ZBTB7C: variants seen among roughly 807,000 people sequenced by gnomAD.
ZBTB7C encodes the protein zinc finger and BTB domain containing 7C.
A neutral mutation model predicts 25.7 loss-of-function variants in ZBTB7C; 8 were observed. That is an observed-to-expected ratio of 0.31 (90% CI 0.18 to 0.56). The LOEUF is 0.56. Among genes scored for constraint, ZBTB7C ranks in the 20% least tolerant of loss-of-function variants. ZBTB7C has a pLI of 0.91. For synonymous variants in ZBTB7C, 394 were observed against 369.0 expected (o/e 1.07, Z -0.78); for missense variants, 824 against 855.2 (o/e 0.96, Z 0.46).
At chr18:48,037,907 G>A (rs953357091) in intron 4 of ZBTB7C, among the ~76,000 whole-genome samples, 3 of 152,200 alleles carry the variant, frequency 2.0e-5, no homozygotes, top group African/African-American at 7.2e-5. Flanking sequence ...TGGGACTCTC[G>A]GGCTGAAGCC....
At chr18:48,048,276 T>C (rs2036551959) in intron 3 of ZBTB7C, among the ~76,000 whole-genome samples, 1 of 152,142 alleles carries the variant, frequency 6.6e-6, no homozygotes, top group African/African-American at 2.4e-5. Flanking sequence ...AAGCATTTTG[T>C]TGGGCAGAGG....
chr18:48,360,328 A>G (rs1006866332), intron 1 of ZBTB7C, among the ~76,000 whole-genome samples: 1 of 152,248 alleles, frequency 6.6e-6, no homozygotes, highest in Non-Finnish European at 1.5e-5. Context: ...TGCAGAGTCA[A>G]CAGTTGAGCT....
chr18:48,287,549 G>A (rs2045093681), intron 2 of ZBTB7C, among the ~76,000 whole-genome samples: 1 of 152,068 alleles, frequency 6.6e-6, no homozygotes, highest in Non-Finnish European at 1.5e-5. Context: ...AAAAATGAAA[G>A]ACTACTTTGT....
intron 3 of ZBTB7C, among the ~76,000 whole-genome samples, chr18:48,081,356 A>G (rs1479017516): frequency 6.6e-6 from 1 of 152,200 alleles, no homozygotes; most frequent in Non-Finnish European, 1.5e-5. Context: ...GGACCAACAG[A>G]CAAGTCTGAT....
At chr18:48,117,330 G>A (rs551976027) in intron 3 of ZBTB7C, among the ~76,000 whole-genome samples, 6 of 152,294 alleles carry the variant, frequency 3.9e-5, no homozygotes, top group East Asian at 3.9e-4. Flanking sequence ...ATGGAGAGGC[G>A]TGAATAAATG....
At chr18:48,251,422 G>A (rs1360997548) in intron 2 of ZBTB7C, among the ~76,000 whole-genome samples, 1 of 152,276 alleles carries the variant, frequency 6.6e-6, no homozygotes, top group Middle Eastern at 3.4e-3. Context: ...CAGATAGTGA[G>A]GGTAAAAGAG....
chr18:48,136,980 G>A (rs945934766), intron 3 of ZBTB7C: 4 of 984,706 alleles, frequency 4.1e-6, no homozygotes, highest in Admixed American at 1.2e-4. Flanking sequence ...CTAGCCCAGA[G>A]GCGGGCCGAG....
chr18:48,167,587 TGTGTGTGTGTGC>T (rs909888795), intron 3 of ZBTB7C, among the ~76,000 whole-genome samples: 25 of 151,432 alleles, frequency 1.7e-4, no homozygotes, highest in African/African-American at 6.1e-4. Context: ...TGTGTGTGTG[TGTGTGTGTGTGC>T]GCGCGTGCAC....
intron 2 of ZBTB7C, among the ~76,000 whole-genome samples, chr18:48,296,822 A>G (rs2144719360): frequency 6.6e-6 from 1 of 152,094 alleles, no homozygotes; most frequent in East Asian, 1.9e-4. Context: ...TCAGATCAGC[A>G]GAGCCATGAG....
At chr18:48,097,005 C>T (rs1291058660) in intron 3 of ZBTB7C, among the ~76,000 whole-genome samples, 4 of 152,212 alleles carry the variant, frequency 2.6e-5, no homozygotes, top group Admixed American at 2.0e-4. Flanking sequence ...AAGGTATGGT[C>T]GCAGATACAT....
At chr18:48,347,254 C>T (rs1031800101) in intron 1 of ZBTB7C, among the ~76,000 whole-genome samples, 1 of 132,184 alleles carries the variant, frequency 7.6e-6, no homozygotes, top group South Asian at 2.2e-4. Context: ...TACAGGCACG[C>T]ACCACCATGC....
intron 2 of ZBTB7C, among the ~76,000 whole-genome samples, chr18:48,299,523 T>C (rs2045490947): frequency 6.6e-6 from 1 of 152,216 alleles, no homozygotes; most frequent in African/African-American, 2.4e-5. Flanking sequence ...CAGTTGGATC[T>C]TCTCATAACT....
At chr18:48,102,284 C>T (rs1033043966) in intron 3 of ZBTB7C, among the ~76,000 whole-genome samples, 3 of 152,156 alleles carry the variant, frequency 2.0e-5, no homozygotes, top group Non-Finnish European at 4.4e-5. Flanking sequence ...AACCTAACGG[C>T]AGGGTGCAGT....
At chr18:48,327,673 G>A (rs563248815) in intron 2 of ZBTB7C, among the ~76,000 whole-genome samples, 1 of 152,250 alleles carries the variant, frequency 6.6e-6, no homozygotes, top group African/African-American at 2.4e-5. Context: ...AGAGAGGGCA[G>A]GGCCCTCAGC....
chr18:48,171,413 T>G (rs1297963185), intron 3 of ZBTB7C, among the ~76,000 whole-genome samples: 1 of 152,186 alleles, frequency 6.6e-6, no homozygotes, highest in Non-Finnish European at 1.5e-5. Flanking sequence ...TCACTTCCCC[T>G]ACCTAGGCCA....
At chr18:48,213,957 G>A (rs771805546) in intron 2 of ZBTB7C, among the ~76,000 whole-genome samples, 1 of 152,214 alleles carries the variant, frequency 6.6e-6, no homozygotes, top group Non-Finnish European at 1.5e-5. Flanking sequence ...CAAATGCAGG[G>A]TGAGGTGAGT....
chr18:48,175,525 A>G lies in ZBTB7C; in HGVS notation c.-17+10409T>C, dbSNP rs926764887. ...AGTGTATGTGCATGTGTATGGGTGA[A>G]TAGTACATGGATGTATAGGTGTATG... On this transcript the variant is annotated intron_variant, in intron 3 of 4. Transcript: ENST00000590800. 3.9e-5 allele frequency among the ~76,000 whole-genome samples: 6 copies of G among 152,204 alleles called. No homozygotes were observed. The East Asian group carries it at 9.6e-4, about 24-fold the overall frequency.
chr18:48,082,764 T>C (rs930832349), intron 3 of ZBTB7C, among the ~76,000 whole-genome samples: 1 of 152,004 alleles, frequency 6.6e-6, no homozygotes, highest in Non-Finnish European at 1.5e-5. Context: ...ATTTTAGAGA[T>C]GAGAAAACTG....
intron 2 of ZBTB7C, among the ~76,000 whole-genome samples, chr18:48,279,356 C>CA (rs758451497): frequency 7.3e-5 from 11 of 151,422 alleles, no homozygotes; most frequent in South Asian, 4.2e-4. Context: ...GTCAACATGG[C>CA]AAAAAAAAGG....
Sources: allele counts gnomAD v4.1 joint callset (sites outside exome capture counted in the v4.1 genomes callset), GRCh38; gene constraint gnomAD v4.1.1; transcripts MANE v1.5; gene names NCBI Gene and HGNC (gene_info 2026-07-23, HGNC 2026-07-21).